The following ABHD3 variants were observed in gnomAD, a reference collection of about 807,000 sequenced individuals.
ABHD3 encodes phospholipase ABHD3.
In ABHD3, 46 loss-of-function variants were observed where a neutral mutation model predicts 48.8. The ratio of observed to expected loss-of-function variants is 0.94; its 90% CI spans 0.74 to 1.20. The LOEUF (loss-of-function observed/expected upper bound fraction) is 1.20, where lower values mean the gene tolerates loss of function less well. Ranked by LOEUF, ABHD3 falls within the 50% of genes most tolerant of loss-of-function variation. ABHD3 has a pLI of 0.00. For missense variants in ABHD3, 490 were observed against 497.8 expected, an observed-to-expected ratio of 0.98 and a Z score of 0.15; for synonymous variants, 192 against 183.7, an observed-to-expected ratio of 1.04 and a Z score of -0.36.
Position 21,704,542 on chromosome 18 carries a change from C to G in ABHD3, c.124G>C (p.Val42Leu), listed in dbSNP as rs2040594274. 7 of 1,515,724 alleles carry G rather than the reference C, an allele frequency of 4.6e-6. No individual in the cohort carries two copies. In the East Asian group the frequency reaches 1.9e-4, roughly 42 times the overall value. 93.9% of individuals were successfully genotyped at this position (1,515,724 alleles called of 1,614,324 possible). ...CTCAGGTAGTAGAAGGCATAAGCGA[C>G]GCTGAAGCCCAGGATAAGGGATAAG... is the stretch of plus-strand genomic sequence containing the variant. ...VGLSLILGFS[V>L]AYAFYYLSSI... is the part of the protein sequence containing the mutation. The change falls in exon 1 of 9, where the codon GTC becomes CTC. Residue 42 changes from valine to leucine, a missense_variant. By Grantham distance (32) the Val-to-Leu change is conservative (BLOSUM62 1). Transcript: ENST00000289119.
chr18:21,661,017 T>C (rs899263545), intron 5 of ABHD3, among the ~76,000 whole-genome samples: 2 of 146,016 alleles, frequency 1.4e-5, no homozygotes, highest in African/African-American at 5.1e-5. Context: ...AGCAAAATGA[T>C]GCTAAGATGT....
chr18:21,671,390 A>G (rs1224151175), intron 4 of ABHD3, among the ~76,000 whole-genome samples: 1 of 152,150 alleles, frequency 6.6e-6, no homozygotes, highest in Non-Finnish European at 1.5e-5. Flanking sequence ...ATCACCCAGA[A>G]TACACAGCAA....
rs544479760 is a variant in ABHD3 at position 21,689,275 on chromosome 18, C to T, written c.510-5310G>A. The stretch of plus-strand genomic sequence containing the variant: ...AGAAATGCGCAGTCTCTTGGCTGGG[C>T]ACAGTGCTCATGCCTGTAATCTCAG... On this transcript the variant is annotated intron_variant, in intron 3 of 8. Coordinates refer to ENST00000289119, the MANE Select transcript of ABHD3 (RefSeq NM_138340.5). Among the ~76,000 whole-genome samples the T allele has an allele frequency of 3.3e-5, 5 of 152,092 alleles. No homozygotes were observed. In the South Asian group the frequency reaches 1.0e-3, roughly 32 times the overall value.
intron 4 of ABHD3, among the ~76,000 whole-genome samples, chr18:21,673,349 A>C (rs1213189240): frequency 6.6e-6 from 1 of 152,200 alleles, no homozygotes; most frequent in Non-Finnish European, 1.5e-5. Context: ...GCTGGAGTGC[A>C]GTGGCACGAT....
intron 5 of ABHD3, 49 bp downstream of exon 5, chr18:21,664,069 A>G (rs763118290): frequency 1.3e-6 from 2 of 1,567,506 alleles, no homozygotes; most frequent in Admixed American, 4.2e-5. Flanking sequence ...GAGACAGCCA[A>G]TAAAATAGCT....
Position 21,664,160 on chromosome 18 carries a change from T to A in ABHD3, c.626A>T (p.Tyr209Phe). The part of the protein sequence containing the change: ...ETVIHHVHSL[Y>F]PSAPFLAAGV... ...TGCTGCCAGGAAAGGAGCAGAAGGG[T>A]ACAGGCTGTGTACATGGTGAATAAC... Residue 209 changes from tyrosine (Y) to phenylalanine (F), a missense_variant, in exon 5 of 9, where the codon TAC becomes TTC. By Grantham distance (22) the Tyr-to-Phe change is conservative. Coordinates refer to ENST00000289119, the MANE Select transcript of ABHD3 (RefSeq NM_138340.5). The A allele has an allele frequency of 1.2e-6, 2 of 1,614,030 alleles. No individual in the cohort carries two copies. Among genetic ancestry groups the A allele is most frequent in the Non-Finnish European group, 1.7e-6 (2 of 1,180,002 alleles).
intron 3 of ABHD3, among the ~76,000 whole-genome samples, chr18:21,693,876 G>A (rs546874344): frequency 3.3e-5 from 5 of 152,104 alleles, no homozygotes; most frequent in East Asian, 3.9e-4. Context: ...GAGGGAAAGC[G>A]TGGTCAGAAC....
intron 8 of ABHD3, among the ~76,000 whole-genome samples, chr18:21,653,737 T>TA (rs11361855): frequency 0.015 from 1,827 of 120,356 alleles, 21 homozygotes; most frequent in Middle Eastern, 0.038. Context: ...CAAAAAATGT[T>TA]AAAAAAAAAA....
intron 6 of ABHD3, among the ~76,000 whole-genome samples, chr18:21,657,514 GT>G (rs562560785): frequency 1.1e-3 from 162 of 148,052 alleles, no homozygotes; most frequent in African/African-American, 1.9e-3. Flanking sequence ...AATTTTGTGG[GT>G]TTTTTTTTTC....
At chr18:21,697,733 TAAAC>T (rs1394636588) in intron 3 of ABHD3, among the ~76,000 whole-genome samples, 2 of 152,198 alleles carry the variant, frequency 1.3e-5, no homozygotes, top group African/African-American at 4.8e-5. Flanking sequence ...ACAATTATCT[TAAAC>T]AAACTTAAGC....
chr18:21,664,397 T>C, intron 4 of ABHD3, 167 bp from the exon 5 acceptor site: 4 of 620,100 alleles, frequency 6.5e-6, no homozygotes, highest in Non-Finnish European at 2.6e-6. Flanking sequence ...GCAGCGCACA[T>C]ACATGCCATT....
intron 4 of ABHD3, among the ~76,000 whole-genome samples, chr18:21,680,227 G>C (rs991684248): frequency 6.6e-6 from 1 of 151,654 alleles, no homozygotes; most frequent in East Asian, 1.9e-4. Flanking sequence ...TATTGGCCAC[G>C]TTGATCTCGA....
At chr18:21,700,438 G>A (rs1390477124) in intron 3 of ABHD3, among the ~76,000 whole-genome samples, 1 of 148,428 alleles carries the variant, frequency 6.7e-6, no homozygotes, top group African/African-American at 2.5e-5. Flanking sequence ...TGCTCTTATT[G>A]CCCAGGCTGG....
At chr18:21,657,796 A>G (rs2039393048) in intron 6 of ABHD3, among the ~76,000 whole-genome samples, 1 of 152,192 alleles carries the variant, frequency 6.6e-6, no homozygotes, top group Admixed American at 6.5e-5. Flanking sequence ...TAAAGATTAT[A>G]GCATTGCGTG....
At chr18:21,665,892 T>C (rs979356580) in intron 4 of ABHD3, among the ~76,000 whole-genome samples, 9 of 152,036 alleles carry the variant, frequency 5.9e-5, no homozygotes, top group African/African-American at 2.2e-4. Flanking sequence ...CATTTCTAAC[T>C]GGGGAACTGT....
chr18:21,657,649 CT>C (rs1022217376), intron 6 of ABHD3, among the ~76,000 whole-genome samples: 39 of 152,134 alleles, frequency 2.6e-4, no homozygotes, highest in Middle Eastern at 3.4e-3. Context: ...CTTGCCTGGC[CT>C]GGTAAAATCT....
chr18:21,691,103 T>C (rs2040242684), intron 3 of ABHD3, among the ~76,000 whole-genome samples: 1 of 150,742 alleles, frequency 6.6e-6, no homozygotes, highest in Non-Finnish European at 1.5e-5. Context: ...TAAATAAAGA[T>C]ATATCACACA....
intron 4 of ABHD3, chr18:21,682,769 C>G (rs2040034649): frequency 1.3e-5 from 2 of 152,238 alleles, no homozygotes; most frequent in African/African-American, 4.8e-5. Context: ...GAAGAATGCA[C>G]AGCAGACAGG....
intron 3 of ABHD3, among the ~76,000 whole-genome samples, chr18:21,697,891 G>A (rs2040416629): frequency 6.6e-6 from 1 of 152,104 alleles, no homozygotes; most frequent in Non-Finnish European, 1.5e-5. Flanking sequence ...TACGCTGGGA[G>A]TTAGGTTCTC....
Sources: allele counts gnomAD v4.1 joint callset (sites outside exome capture counted in the v4.1 genomes callset), GRCh38; gene constraint gnomAD v4.1.1; transcripts MANE v1.5; gene names NCBI Gene and HGNC (gene_info 2026-07-23, HGNC 2026-07-21).